PPFIA2: variants seen among roughly 807,000 people sequenced by gnomAD.
The protein encoded by PPFIA2 is PPFI scaffold protein A2, also known as liprin-alpha-2.
Under a neutral mutation model 175.5 loss-of-function variants are expected in PPFIA2, and 46 were observed. The observed-to-expected ratio is 0.26, with a 90% CI of 0.21 to 0.34. The LOEUF is 0.34. Ranked by LOEUF, PPFIA2 falls within the 10% of genes least tolerant of loss-of-function variation. PPFIA2 has a pLI of 1.00. For synonymous variants in PPFIA2, 568 were observed against 511.4 expected, an observed-to-expected ratio of 1.11 and a Z score of -1.49; for missense variants, 1,179 against 1,506.1, an observed-to-expected ratio of 0.78 and a Z score of 3.60.
intron 8 of PPFIA2, among the ~76,000 whole-genome samples, chr12:81,388,252 A>G (rs576283190): frequency 6.6e-6 from 1 of 152,316 alleles, no homozygotes; most frequent in Non-Finnish European, 1.5e-5. Context: ...CTTCTTAAAA[A>G]TAGAAGAAAC....
intron 8 of PPFIA2, among the ~76,000 whole-genome samples, chr12:81,401,953 A>AT (rs2042161581): frequency 6.6e-6 from 1 of 151,984 alleles, no homozygotes; most frequent in South Asian, 2.1e-4. Context: ...TTTTCTTTTT[A>AT]TTTTTTCTTT....
intron 4 of PPFIA2, among the ~76,000 whole-genome samples, chr12:81,626,903 GA>G (rs2062777204): frequency 6.6e-6 from 1 of 151,896 alleles, no homozygotes. Flanking sequence ...GAATCATAGA[GA>G]AATACACAAA....
At chr12:81,366,962 C>A (rs2033662575) in intron 14 of PPFIA2, 146 bp downstream of exon 14, 1 of 957,190 alleles carries the variant, frequency 1.0e-6, no homozygotes, top group Non-Finnish European at 1.4e-6. Flanking sequence ...GTACGCTTTT[C>A]TGCACATATT....
chr12:81,737,718 CACA>C (rs1281491004), intron 3 of PPFIA2, among the ~76,000 whole-genome samples: 9 of 151,740 alleles, frequency 5.9e-5, no homozygotes, highest in Admixed American at 2.0e-4. Flanking sequence ...AGATAGTAAT[CACA>C]ACAAAATATT....
chr12:81,598,269 GT>G (rs1367417318), intron 4 of PPFIA2: 23 of 1,256,984 alleles, frequency 1.8e-5, no homozygotes, highest in Middle Eastern at 3.0e-4. Context: ...AACATACAAT[GT>G]TTTTTAAAAA....
chr12:81,569,594 T>C (rs2072079420), intron 4 of PPFIA2, among the ~76,000 whole-genome samples: 1 of 152,150 alleles, frequency 6.6e-6, no homozygotes, highest in African/African-American at 2.4e-5. Flanking sequence ...AATATTACAC[T>C]GTAGAGGAAT....
At chr12:81,331,669 T>C (rs1015470899) in intron 21 of PPFIA2, among the ~76,000 whole-genome samples, 2 of 152,226 alleles carry the variant, frequency 1.3e-5, no homozygotes, top group Admixed American at 1.3e-4. Context: ...CCTAACCTAA[T>C]AATATATGCA....
intron 4 of PPFIA2, among the ~76,000 whole-genome samples, chr12:81,623,294 T>G (rs78052588): frequency 6.6e-6 from 1 of 151,926 alleles, no homozygotes; most frequent in Non-Finnish European, 1.5e-5. Context: ...GCATCCAAAA[T>G]AGTGAAAAGA....
chr12:81,488,950 G>T (rs151193910), intron 4 of PPFIA2, among the ~76,000 whole-genome samples: 1 of 151,782 alleles, frequency 6.6e-6, no homozygotes, highest in Non-Finnish European at 1.5e-5. Flanking sequence ...TAGGCACAGC[G>T]CAATGATTCT....
intron 4 of PPFIA2, among the ~76,000 whole-genome samples, chr12:81,578,699 T>C (rs924971024): frequency 6.6e-6 from 1 of 151,814 alleles, no homozygotes; most frequent in African/African-American, 2.4e-5. Context: ...ATTTTCATTT[T>C]ATAGTGAGAG....
chr12:81,324,344 C>T (rs991621414), intron 22 of PPFIA2, among the ~76,000 whole-genome samples: 1 of 152,004 alleles, frequency 6.6e-6, no homozygotes, highest in African/African-American at 2.4e-5. Flanking sequence ...GCTCCATCAA[C>T]AACTAATGAA....
chr12:81,702,531 C>A (rs949259185), intron 3 of PPFIA2, among the ~76,000 whole-genome samples: 1 of 151,996 alleles, frequency 6.6e-6, no homozygotes, highest in Non-Finnish European at 1.5e-5. Context: ...AAAACAGTGG[C>A]GTTGATGATC....
At chr12:81,694,123 G>T (rs967812783) in intron 3 of PPFIA2, among the ~76,000 whole-genome samples, 5 of 152,128 alleles carry the variant, frequency 3.3e-5, no homozygotes, top group African/African-American at 4.8e-5. Context: ...ATGTGATAGA[G>T]AAAGAAAAGA....
At chr12:81,565,718 A>G (rs1200814778) in intron 4 of PPFIA2, among the ~76,000 whole-genome samples, 3 of 152,236 alleles carry the variant, frequency 2.0e-5, no homozygotes, top group Non-Finnish European at 2.9e-5. Context: ...TCAAATAGAT[A>G]TTACTTAACA....
At position 81,277,409 on chromosome 12, in the gene PPFIA2, C is replaced by G. The variant is rs1182850647; in HGVS notation, c.3218G>C (p.Ser1073Thr). The G allele has an allele frequency of 6.7e-7, 1 of 1,491,528 alleles. No homozygotes were observed. Among genetic ancestry groups the G allele is most frequent in the East Asian group, 2.4e-5 (1 of 40,958 alleles). 92.4% of individuals were successfully genotyped at this position (1,491,528 alleles called of 1,614,324 possible). The change falls in exon 28 of 33, where the codon AGT (serine) becomes ACT (threonine). Residue 1073 changes from serine to threonine, a missense_variant. Coordinates refer to ENST00000549396, the MANE Select transcript of PPFIA2 (RefSeq NM_003625.5). ...LKMVDSFHRT[S>T]LQYGIMCLKR... ...TAAGCACATAATTCCATATTGTAAA[C>G]TTGTTCTTTTTTTTTTATTAAAAAA... is the stretch of plus-strand genomic sequence containing the variant.
intron 4 of PPFIA2, among the ~76,000 whole-genome samples, chr12:81,596,220 TG>T (rs2059230608): frequency 6.6e-6 from 1 of 151,370 alleles, no homozygotes; most frequent in African/African-American, 2.4e-5. Flanking sequence ...TTCTTTCTTT[TG>T]GAAAAAAAAA....
intron 3 of PPFIA2, among the ~76,000 whole-genome samples, chr12:81,697,023 G>A (rs1487354654): frequency 3.3e-5 from 5 of 152,020 alleles, no homozygotes; most frequent in Non-Finnish European, 7.4e-5. Flanking sequence ...GAGTCTAGAA[G>A]CTTCTTTGTC....
intron 7 of PPFIA2, among the ~76,000 whole-genome samples, chr12:81,414,823 T>C (rs2044640520): frequency 6.6e-6 from 1 of 151,506 alleles, no homozygotes; most frequent in Non-Finnish European, 1.5e-5. Flanking sequence ...TAAGCAACTT[T>C]CAGTCACAAT....
intron 16 of PPFIA2, among the ~76,000 whole-genome samples, chr12:81,354,955 T>C (rs1038348398): frequency 6.6e-6 from 1 of 152,194 alleles, no homozygotes; most frequent in Non-Finnish European, 1.5e-5. Flanking sequence ...GGTTGATGTT[T>C]TGACCTTCTC....
Sources: allele counts gnomAD v4.1 joint callset (sites outside exome capture counted in the v4.1 genomes callset), GRCh38; gene constraint gnomAD v4.1.1; transcripts MANE v1.5; gene names NCBI Gene and HGNC (gene_info 2026-07-23, HGNC 2026-07-21).